The following MTDH variants were observed in gnomAD, a reference collection of about 807,000 sequenced individuals.
The protein encoded by MTDH is protein LYRIC.
MTDH carries 34 observed loss-of-function variants against 72.7 expected under a neutral mutation model. The ratio of observed to expected loss-of-function variants is 0.47; its 90% CI spans 0.36 to 0.62. MTDH has a LOEUF of 0.62. Ranked by LOEUF, MTDH falls within the 20% of genes least tolerant of loss-of-function variation. MTDH has a pLI of 0.00. For missense variants in MTDH, 677 were observed against 699.4 expected, an observed-to-expected ratio of 0.97 and a Z score of 0.36; for synonymous variants, 266 against 268.9, an observed-to-expected ratio of 0.99 and a Z score of 0.10.
chr8:97,723,685 G>C (rs1815232552), intron 11 of MTDH, among the ~76,000 whole-genome samples: 1 of 151,902 alleles, frequency 6.6e-6, no homozygotes, highest in Middle Eastern at 3.4e-3. Flanking sequence ...GGAGCTTGCA[G>C]TGAGCCGAGA....
chr8:97,690,064 G>A (rs1284325464), intron 5 of MTDH, among the ~76,000 whole-genome samples: 6 of 149,924 alleles, frequency 4.0e-5, no homozygotes, highest in African/African-American at 1.5e-4. Flanking sequence ...GCACAATCTC[G>A]GCTCACTGCA....
In MTDH at chr8:97,646,433, T is replaced by C. The variant is rs1006397877; in HGVS notation, c.381+1546T>C. On this transcript the variant is annotated intron_variant, in intron 1 of 11. Coordinates refer to ENST00000336273, the MANE Select transcript of MTDH (RefSeq NM_178812.4). The stretch of plus-strand genomic sequence containing the variant: ...ATTACCAATTATCAAAGTAATGTTA[T>C]GGTGAAAATAGAGAACCTTGCTCCA... Among the ~76,000 whole-genome samples, 5 of 152,264 alleles carry C rather than the reference T, an allele frequency of 3.3e-5. No individual in the cohort carries two copies. In the East Asian group the frequency reaches 5.8e-4, roughly 18 times the overall value.
chr8:97,724,981 C>T lies in MTDH; in HGVS notation c.*311C>T, dbSNP rs531401362. 5 of 182,610 alleles carry T rather than the reference C, an allele frequency of 2.7e-5. No homozygotes were observed. Among genetic ancestry groups the T allele is most frequent in the Admixed American group, 5.8e-5 (1 of 17,186 alleles). 11.3% of individuals were successfully genotyped at this position (182,610 alleles called of 1,614,324 possible). A position where few individuals can be genotyped will look rare whatever the true frequency, so the allele number is the denominator to read the frequency against. The stretch of plus-strand genomic sequence containing the variant: ...CTGTTTACAACAGATTGTGCCCTAT[C>T]TCATCTGCAGCCGAGGAATAAAGGA... On this transcript the variant is annotated 3_prime_UTR_variant, in exon 12 of 12. Coordinates refer to ENST00000336273, the MANE Select transcript of MTDH (RefSeq NM_178812.4).
chr8:97,722,733 T>TA (rs1815177897), intron 10 of MTDH, 146 bp from the exon 11 acceptor site: 1 of 591,210 alleles, frequency 1.7e-6, no homozygotes, highest in African/African-American at 1.9e-5. Flanking sequence ...GCTGTATCAC[T>TA]AGAGGGCAGG....
chr8:97,716,686 TG>T (rs1273864175), intron 9 of MTDH, among the ~76,000 whole-genome samples: 1 of 152,040 alleles, frequency 6.6e-6, no homozygotes, highest in East Asian at 1.9e-4. Flanking sequence ...AAAATTATAT[TG>T]TTTTTTCTCT....
At chr8:97,654,808 T>C (rs758562563) in intron 1 of MTDH, among the ~76,000 whole-genome samples, 23 of 152,114 alleles carry the variant, frequency 1.5e-4, no homozygotes, top group Non-Finnish European at 3.1e-4. Flanking sequence ...GCCAATAAAA[T>C]TGAGATTCTG....
chr8:97,673,239 G>A (rs1812703237), intron 2 of MTDH, among the ~76,000 whole-genome samples: 1 of 152,148 alleles, frequency 6.6e-6, no homozygotes, highest in Non-Finnish European at 1.5e-5. Context: ...AAAACAATTA[G>A]GCCAGGCATG....
At chr8:97,695,629 G>A (rs866996185) in intron 6 of MTDH, among the ~76,000 whole-genome samples, 24 of 152,254 alleles carry the variant, frequency 1.6e-4, no homozygotes, top group South Asian at 1.5e-3. Context: ...GGAGGTTTAC[G>A]TTCTTTAAAA....
At chr8:97,697,596 A>G (rs1813920053) in intron 6 of MTDH, among the ~76,000 whole-genome samples, 1 of 152,040 alleles carries the variant, frequency 6.6e-6, no homozygotes, top group Non-Finnish European at 1.5e-5. Flanking sequence ...CGTGTTAGCC[A>G]GGATGGTCTG....
intron 8 of MTDH, among the ~76,000 whole-genome samples, chr8:97,708,393 C>T: frequency 7.0e-6 from 1 of 143,776 alleles, no homozygotes; most frequent in East Asian, 2.0e-4. Context: ...GTGATTCTCC[C>T]TCCTCAGCCT....
chr8:97,644,744 A>G lies in MTDH; in HGVS notation c.238A>G (p.Lys80Glu). Residue 80 changes from lysine to glutamate, a missense_variant, in exon 1 of 12, where the codon AAA becomes GAA. Coordinates refer to ENST00000336273, the MANE Select transcript of MTDH (RefSeq NM_178812.4). ...GWAAACAGAR[K>E]KRRSPPRKRE... ...GGCCGCGGCTTGCGCCGGCGCCCGC[A>G]AAAAGCGGAGGAGCCCGCCCCGCAA... 1 of 1,575,248 alleles carries G rather than the reference A, an allele frequency of 6.3e-7. No homozygotes were observed. The highest frequency in any genetic ancestry group is 8.6e-7 in the Non-Finnish European group (1 of 1,167,382).
chr8:97,665,022 A>G (rs1812322966), intron 2 of MTDH, among the ~76,000 whole-genome samples: 1 of 152,204 alleles, frequency 6.6e-6, no homozygotes, highest in South Asian at 2.1e-4. Context: ...TCGGCCTCCT[A>G]AAGTGCTGGG....
chr8:97,662,727 A>G (rs982080512), intron 2 of MTDH, among the ~76,000 whole-genome samples: 2 of 151,882 alleles, frequency 1.3e-5, no homozygotes, highest in African/African-American at 4.8e-5. Flanking sequence ...CAGAGGTTGC[A>G]GTAAGCAGGG....
chr8:97,692,541 T>TA (rs1813655435), intron 6 of MTDH, among the ~76,000 whole-genome samples: 1 of 150,154 alleles, frequency 6.7e-6, no homozygotes, highest in Non-Finnish European at 1.5e-5. Context: ...CTCAGCTAAT[T>TA]ATTTTTTTGT....
intron 8 of MTDH, among the ~76,000 whole-genome samples, chr8:97,708,240 C>G (rs1405088849): frequency 7.3e-6 from 1 of 136,364 alleles, no homozygotes; most frequent in Non-Finnish European, 1.5e-5. Context: ...GCTGGGATTA[C>G]AGGCATGAGC....
intron 1 of MTDH, among the ~76,000 whole-genome samples, chr8:97,649,238 A>G (rs906109868): frequency 2.0e-5 from 3 of 152,152 alleles, no homozygotes; most frequent in Non-Finnish European, 4.4e-5. Flanking sequence ...TTTTGTAGTC[A>G]TTACTTCTGT....
At chr8:97,718,852 A>G (rs935068276) in intron 9 of MTDH, among the ~76,000 whole-genome samples, 197 bp from the exon 10 acceptor site, 1 of 151,306 alleles carries the variant, frequency 6.6e-6, no homozygotes. Context: ...ATACACCACC[A>G]CATGTGACTA....
Position 97,653,216 on chromosome 8 carries a change from A to G in MTDH, c.382-7856A>G, listed in dbSNP as rs118129930. Among the ~76,000 whole-genome samples the G allele has an allele frequency of 3.0e-3, 454 of 152,358 alleles. 18 individuals are homozygous for G. The East Asian group carries it at 0.052, about 17-fold the overall frequency. ...GATTTTACAGAAGAGAAATCTTGAG[A>G]TTCAGAAAAATTAACTGACTTATTC... is the stretch of plus-strand genomic sequence containing the variant. On this transcript the variant is annotated intron_variant, in intron 1 of 11. Transcript: ENST00000336273.
intron 6 of MTDH, among the ~76,000 whole-genome samples, chr8:97,697,908 T>G (rs952872367): frequency 2.6e-5 from 4 of 152,202 alleles, no homozygotes; most frequent in Non-Finnish European, 5.9e-5. Context: ...CCGTGTGGGC[T>G]GCCAAAGGAA....
Sources: allele counts gnomAD v4.1 joint callset (sites outside exome capture counted in the v4.1 genomes callset), GRCh38; gene constraint gnomAD v4.1.1; transcripts MANE v1.5; gene names NCBI Gene and HGNC (gene_info 2026-07-23, HGNC 2026-07-21).